The following NFILZ variants were observed in gnomAD, a reference collection of about 807,000 sequenced individuals.
NFILZ encodes the protein NFIL3 like basic leucine zipper.
chr19:8,667,747 T>C (rs1225236641), intron 3 of NFILZ, among the ~76,000 whole-genome samples: 4 of 151,946 alleles, frequency 2.6e-5, no homozygotes, highest in Non-Finnish European at 4.4e-5. Flanking sequence ...GGTTTCACCA[T>C]GTTGGCCAGT....
rs555823706 is a variant in NFILZ, at chr19:8,679,262, C to T, written c.*1627C>T. 0.03 allele frequency among the ~76,000 whole-genome samples: 4,087 copies of T among 136,268 alleles called. 190 individuals carry two copies. Among genetic ancestry groups the T allele is most frequent in the African/African-American group, 0.11 (3,880 of 35,320 alleles). 89.4% of individuals were successfully genotyped at this position (136,268 alleles called of 152,430 possible). A position where few individuals can be genotyped will look rare whatever the true frequency, so the allele number is the denominator to read the frequency against. On this transcript the variant is annotated 3_prime_UTR_variant, in exon 6 of 6. Coordinates refer to ENST00000691075, the MANE Select transcript of NFILZ (RefSeq NM_001378600.1). ...CTCCTCCTCAGTTTCTCACTCAGCC[C>T]CTCTCCCATTATTATTATTATTATT... is the stretch of plus-strand genomic sequence containing the variant.
At chr19:8,654,734 A>T (rs1195487203) in intron 3 of NFILZ, among the ~76,000 whole-genome samples, 1 of 152,240 alleles carries the variant, frequency 6.6e-6, no homozygotes, top group Non-Finnish European at 1.5e-5. Flanking sequence ...AGCGCCCACC[A>T]GGTGCCGCTG....
At chr19:8,661,082 TTCCCCCTC>T (rs1170010595) in intron 3 of NFILZ, among the ~76,000 whole-genome samples, 2 of 67,988 alleles carry the variant, frequency 2.9e-5, no homozygotes, top group African/African-American at 1.1e-4. Flanking sequence ...CCTCCCTTCC[TTCCCCCTC>T]CCTCCCTTCC....
At chr19:8,673,630 A>G (rs1555750486) in intron 3 of NFILZ, among the ~76,000 whole-genome samples, 1 of 152,164 alleles carries the variant, frequency 6.6e-6, no homozygotes, top group Non-Finnish European at 1.5e-5. Context: ...TGGACACTGC[A>G]GACCCTCCTG....
Position 8,676,372 on chromosome 19 carries a change from T to A in NFILZ, c.-100T>A, listed in dbSNP as rs1191465657. 6.6e-6 allele frequency among the ~76,000 whole-genome samples: 1 copy of A among 152,210 alleles called. No homozygotes were observed. The highest frequency in any genetic ancestry group is 1.5e-5 in the Non-Finnish European group (1 of 68,032). On this transcript the variant is annotated 5_prime_UTR_variant, in exon 5 of 6. Coordinates refer to ENST00000691075, the MANE Select transcript of NFILZ (RefSeq NM_001378600.1). ...CTCTATTTCTAGGTTCAGTCATCCT[T>A]CTGTCTCCCTCTGGGTTTCCAAGAA...
In NFILZ at chr19:8,679,203, A is replaced by G. The variant is rs547530603; in HGVS notation, c.*1568A>G. 6.6e-6 allele frequency among the ~76,000 whole-genome samples: 1 copy of G among 152,180 alleles called. No homozygotes were observed. Among genetic ancestry groups the G allele is most frequent in the African/African-American group, 2.4e-5 (1 of 41,520 alleles). On this transcript the variant is annotated 3_prime_UTR_variant, in exon 6 of 6. Transcript: ENST00000691075. ...GTCCATTCTGCAGGGAAGGTCTTCC[A>G]GGGGCCTGGAGCCCAAGGACTTATC...
chr19:8,652,125 C>G (rs553061424), intron 3 of NFILZ, among the ~76,000 whole-genome samples: 1 of 131,464 alleles, frequency 7.6e-6, no homozygotes, highest in East Asian at 2.1e-4. Context: ...TTTTTTGAAA[C>G]GGAGTCTTGC....
chr19:8,647,795 G>GCACA (rs879996864), intron 3 of NFILZ, among the ~76,000 whole-genome samples: 1,696 of 76,224 alleles, frequency 0.022, 46 homozygotes, highest in East Asian at 0.071. Flanking sequence ...GCGCGCGCGC[G>GCACA]CACACACACA....
At chr19:8,660,786 C>T (rs752949631) in intron 3 of NFILZ, among the ~76,000 whole-genome samples, 13 of 151,704 alleles carry the variant, frequency 8.6e-5, no homozygotes, top group Non-Finnish European at 1.8e-4. Flanking sequence ...TACAGGTGCC[C>T]ACCACCATGC....
intron 3 of NFILZ, among the ~76,000 whole-genome samples, chr19:8,673,485 G>A (rs1249508063): frequency 6.6e-6 from 1 of 152,202 alleles, no homozygotes; most frequent in Non-Finnish European, 1.5e-5. Flanking sequence ...GGGCAGGTGT[G>A]GAGCCGCCTA....
At chr19:8,652,934 TTCTC>T (rs1206933496) in intron 3 of NFILZ, among the ~76,000 whole-genome samples, 19 of 144,676 alleles carry the variant, frequency 1.3e-4, no homozygotes, top group African/African-American at 5.1e-4. Flanking sequence ...CTCTCTCTCT[TTCTC>T]TCTTTCTCTC....
intron 2 of NFILZ, among the ~76,000 whole-genome samples, chr19:8,634,393 C>T (rs955108995): frequency 6.6e-6 from 1 of 151,960 alleles, no homozygotes; most frequent in Non-Finnish European, 1.5e-5. Context: ...TCAAATGATT[C>T]TCCCACATCA....
rs1327196836 is a variant in NFILZ at position 8,680,276 on chromosome 19, T to C, written c.*2641T>C. Among the ~76,000 whole-genome samples the C allele has an allele frequency of 1.3e-5, 2 of 151,420 alleles. No homozygotes were observed. Among genetic ancestry groups the C allele is most frequent in the Admixed American group, 6.6e-5 (1 of 15,156 alleles). On this transcript the variant is annotated 3_prime_UTR_variant, in exon 6 of 6. Transcript: ENST00000691075. ...CCCACCAAGGAGCTCAGGGCCGAGCTTGTGGCTCAGCTATAACAGCATTTT... is the reference window on the plus strand; with the variant it reads ...CCCACCAAGGAGCTCAGGGCCGAGCCTGTGGCTCAGCTATAACAGCATTTT...
chr19:8,641,093 C>G (rs149402659), intron 3 of NFILZ, among the ~76,000 whole-genome samples: 1 of 152,154 alleles, frequency 6.6e-6, no homozygotes, highest in Non-Finnish European at 1.5e-5. Context: ...TCTTCAAGAG[C>G]ATATTCTCCA....
chr19:8,641,787 CAT>C (rs2042920339), intron 3 of NFILZ, among the ~76,000 whole-genome samples: 1 of 151,982 alleles, frequency 6.6e-6, no homozygotes, highest in Admixed American at 6.6e-5. Context: ...TCACATGACA[CAT>C]ATGTGAAGCA....
chr19:8,662,744 A>G (rs1555749267), intron 3 of NFILZ, among the ~76,000 whole-genome samples: 1 of 148,284 alleles, frequency 6.7e-6, no homozygotes, highest in African/African-American at 2.5e-5. Flanking sequence ...TCAAGCAGTT[A>G]TCCTGCCTCA....
At chr19:8,656,582 T>G (rs1482633883) in intron 3 of NFILZ, among the ~76,000 whole-genome samples, 1 of 151,062 alleles carries the variant, frequency 6.6e-6, no homozygotes, top group Non-Finnish European at 1.5e-5. Flanking sequence ...CAACCTCCTG[T>G]CCTGCCTTTT....
At chr19:8,671,899 G>A (rs1024718589) in intron 3 of NFILZ, among the ~76,000 whole-genome samples, 1 of 152,186 alleles carries the variant, frequency 6.6e-6, no homozygotes, top group African/African-American at 2.4e-5. Context: ...GTGAGGGCTT[G>A]TCTGGGGTCT....
intron 3 of NFILZ, among the ~76,000 whole-genome samples, chr19:8,637,118 C>G (rs980182195): frequency 6.6e-6 from 1 of 151,980 alleles, no homozygotes; most frequent in Non-Finnish European, 1.5e-5. Context: ...ACCTGTAGTC[C>G]CAGTACTTTA....
Sources: gnomAD v4.1 joint callset for allele counts (sites outside exome capture counted in the v4.1 genomes callset) on GRCh38, gnomAD v4.1.1 for gene constraint, MANE v1.5 for transcripts, NCBI Gene and HGNC (gene_info 2026-07-23, HGNC 2026-07-21) for gene names.